The following SNCAIP variants were observed in gnomAD, a reference collection of about 807,000 sequenced individuals.
SNCAIP encodes the protein synuclein alpha interacting protein.
In SNCAIP, 43 loss-of-function variants were observed where a neutral mutation model predicts 86.7. The ratio of observed to expected loss-of-function variants is 0.50; its 90% confidence interval spans 0.39 to 0.64. The LOEUF (loss-of-function observed/expected upper bound fraction) is 0.64. Among genes scored for constraint, SNCAIP ranks in the 30% least tolerant of loss-of-function variants. SNCAIP has a pLI of 0.00. For synonymous variants in SNCAIP, 417 were observed against 427.2 expected (o/e 0.98, Z 0.29); for missense variants, 981 against 1,103.1 (o/e 0.89, Z 1.57).
intron 1 of SNCAIP, among the ~76,000 whole-genome samples, chr5:122,316,384 C>T (rs112485650): frequency 2.0e-4 from 31 of 152,318 alleles, no homozygotes; most frequent in Admixed American, 1.8e-3. Context: ...ACAGCCACAC[C>T]AGGTCAGCAC....
chr5:122,331,452 G>A (rs961509606), intron 1 of SNCAIP, among the ~76,000 whole-genome samples: 3 of 152,136 alleles, frequency 2.0e-5, no homozygotes, highest in African/African-American at 7.2e-5. Flanking sequence ...CAAATATTGT[G>A]TCCTTATGGA....
chr5:122,377,542 A>G (rs1357337451), intron 1 of SNCAIP, among the ~76,000 whole-genome samples: 3 of 147,450 alleles, frequency 2.0e-5, no homozygotes, highest in African/African-American at 7.5e-5. Flanking sequence ...GAGAGATCAG[A>G]TATTTTTTTT....
At chr5:122,390,591 A>G (rs1769138602) in intron 1 of SNCAIP, among the ~76,000 whole-genome samples, 1 of 152,092 alleles carries the variant, frequency 6.6e-6, no homozygotes, top group South Asian at 2.1e-4. Flanking sequence ...TAAAATATCC[A>G]TTACTCTTGG....
At position 122,450,817 on chromosome 5, in the gene SNCAIP, T is replaced by C; in HGVS notation, c.1970T>C (p.Leu657Pro). Residue 657 changes from leucine to proline, a missense_variant, in exon 10 of 11, where the codon CTG becomes CCG. Leu to Pro is a moderately conservative substitution (Grantham distance 98). Coordinates refer to ENST00000261368, the MANE Select transcript of SNCAIP (RefSeq NM_005460.4). ...ASSRNSKKIPLEKRELKLARL... is the reference protein window; with the variant it reads ...ASSRNSKKIPPEKRELKLARL... ...TCTAGAAATTCTAAAAAGATCCCAC[T>C]GGAGAAGAGGGAACTGAAGTTAGCC... 1.9e-6 allele frequency: 3 copies of C among 1,614,098 alleles called. No individual in the cohort carries two copies. Among genetic ancestry groups the C allele is most frequent in the Non-Finnish European group, 2.5e-6 (3 of 1,180,014 alleles).
At chr5:122,318,272 A>G (rs1024346370) in intron 1 of SNCAIP, among the ~76,000 whole-genome samples, 1 of 152,116 alleles carries the variant, frequency 6.6e-6, no homozygotes, top group Non-Finnish European at 1.5e-5. Flanking sequence ...TCAAACTATG[A>G]ACTATTAAAC....
chr5:122,330,564 A>T (rs1755108175), intron 1 of SNCAIP, among the ~76,000 whole-genome samples: 1 of 152,194 alleles, frequency 6.6e-6, no homozygotes, highest in Non-Finnish European at 1.5e-5. Flanking sequence ...TGCATACTAA[A>T]ATTTACTTAA....
intron 8 of SNCAIP, among the ~76,000 whole-genome samples, chr5:122,445,823 T>C (rs1782181700): frequency 6.6e-6 from 1 of 151,354 alleles, no homozygotes; most frequent in Admixed American, 6.6e-5. Flanking sequence ...TGACAAGGCC[T>C]TGGACCCTCT....
chr5:122,454,812 C>T (rs757963063), intron 10 of SNCAIP, among the ~76,000 whole-genome samples: 40 of 152,312 alleles, frequency 2.6e-4, no homozygotes, highest in Middle Eastern at 3.4e-3. Flanking sequence ...CAATTAGTAT[C>T]ACAGTAGATT....
At chr5:122,416,680 T>C (rs1033235414) in intron 3 of SNCAIP, among the ~76,000 whole-genome samples, 1 of 152,206 alleles carries the variant, frequency 6.6e-6, no homozygotes, top group Non-Finnish European at 1.5e-5. Flanking sequence ...ATAAGCCACC[T>C]GTCATCATTT....
intron 1 of SNCAIP, among the ~76,000 whole-genome samples, chr5:122,359,526 G>A (rs1307847827): frequency 6.6e-6 from 1 of 151,754 alleles, no homozygotes; most frequent in African/African-American, 2.4e-5. Context: ...ACCACGCCTG[G>A]CAAATTTTTT....
At chr5:122,452,234 C>A (rs1783845401) in intron 10 of SNCAIP, among the ~76,000 whole-genome samples, 1 of 152,162 alleles carries the variant, frequency 6.6e-6, no homozygotes, top group Non-Finnish European at 1.5e-5. Context: ...TTTATAATTG[C>A]CTTCACTGGA....
At chr5:122,447,925 A>G (rs1457394374) in intron 8 of SNCAIP, among the ~76,000 whole-genome samples, 1 of 152,210 alleles carries the variant, frequency 6.6e-6, no homozygotes, top group African/African-American at 2.4e-5. Context: ...CATGTTAGAC[A>G]ATTACATGTC....
In SNCAIP at chr5:122,438,296, C is replaced by T. The variant is rs548234193; in HGVS notation, c.1297-2333C>T. On this transcript the variant is annotated intron_variant, in intron 6 of 10. Transcript: ENST00000261368. ...GGGTTTTCTCTGGGTACTCCAGTTTCTCCTCACGTCCCAAAGATGTGCACA... is the reference window on the plus strand; with the variant it reads ...GGGTTTTCTCTGGGTACTCCAGTTTTTCCTCACGTCCCAAAGATGTGCACA... Among the ~76,000 whole-genome samples, 4 of 152,294 alleles carry T rather than the reference C, an allele frequency of 2.6e-5. No individual in the cohort carries two copies. In the East Asian group the frequency reaches 7.7e-4, roughly 29 times the overall value.
intron 1 of SNCAIP, among the ~76,000 whole-genome samples, chr5:122,372,352 A>C (rs1267098858): frequency 1.3e-5 from 2 of 152,190 alleles, no homozygotes; most frequent in African/African-American, 4.8e-5. Flanking sequence ...CTCTTAACAC[A>C]AAGTCACTGA....
chr5:122,450,835 A>C lies in SNCAIP; in HGVS notation c.1988A>C (p.Lys663Thr). The change falls in exon 10 of 11, where the codon AAG (lysine) becomes ACG (threonine). Residue 663 changes from lysine to threonine, a missense_variant. By Grantham distance (78) the Lys-to-Thr change is moderately conservative. Coordinates refer to ENST00000261368, the MANE Select transcript of SNCAIP (RefSeq NM_005460.4). ...KKIPLEKREL[K>T]LARLRQLMQR... ...ATCCCACTGGAGAAGAGGGAACTGA[A>C]GTTAGCCAGGCTGAGACAGCTGATG... 6.2e-7 allele frequency: 1 copy of C among 1,614,132 alleles called. No individual in the cohort carries two copies. The highest frequency in any genetic ancestry group is 2.2e-5 in the East Asian group (1 of 44,880).
intron 1 of SNCAIP, among the ~76,000 whole-genome samples, chr5:122,360,917 A>G (rs552318172): frequency 3.9e-5 from 6 of 152,236 alleles, no homozygotes; most frequent in African/African-American, 7.2e-5. Flanking sequence ...GGAAAAACAC[A>G]CTAAAAAGTT....
intron 3 of SNCAIP, among the ~76,000 whole-genome samples, chr5:122,420,951 G>C (rs1427136722): frequency 1.3e-5 from 2 of 152,206 alleles, no homozygotes; most frequent in Non-Finnish European, 2.9e-5. Flanking sequence ...AAATTAAACT[G>C]TAAATCCCTC....
intron 3 of SNCAIP, among the ~76,000 whole-genome samples, chr5:122,419,642 C>T (rs1344788029): frequency 2.0e-5 from 3 of 152,140 alleles, no homozygotes; most frequent in Non-Finnish European, 4.4e-5. Context: ...TCTCATGGAA[C>T]TTGTACAAAT....
chr5:122,375,289 G>C (rs1190196300), intron 1 of SNCAIP, among the ~76,000 whole-genome samples: 1 of 151,950 alleles, frequency 6.6e-6, no homozygotes, highest in Admixed American at 6.6e-5. Context: ...CTCTGGATTT[G>C]GATTCAATAA....
Sources: allele counts gnomAD v4.1 joint callset (sites outside exome capture counted in the v4.1 genomes callset), GRCh38; gene constraint gnomAD v4.1.1; transcripts MANE v1.5; gene names NCBI Gene and HGNC (gene_info 2026-07-23, HGNC 2026-07-21).